The following SULF1 variants were observed in gnomAD, a reference collection of about 807,000 sequenced individuals.
SULF1 encodes extracellular sulfatase Sulf-1.
A neutral mutation model predicts 110.5 loss-of-function variants in SULF1; 46 were observed. The ratio of observed to expected loss-of-function variants is 0.42; its 90% CI spans 0.33 to 0.53. The LOEUF is 0.53. Ranked by LOEUF, SULF1 falls within the 20% of genes least tolerant of loss-of-function variation. SULF1 has a pLI of 0.12. For missense variants in SULF1, 941 were observed against 1,094.2 expected (o/e 0.86, Z 1.98); for synonymous variants, 371 against 387.1 (o/e 0.96, Z 0.49).
intron 14 of SULF1, among the ~76,000 whole-genome samples, chr8:69,621,776 A>G (rs1191098486): frequency 6.6e-6 from 1 of 152,236 alleles, no homozygotes; most frequent in Non-Finnish European, 1.5e-5. Flanking sequence ...GCAGGGACAA[A>G]CTAGTTGCAT....
intron 3 of SULF1, among the ~76,000 whole-genome samples, chr8:69,541,282 C>T (rs901947974): frequency 2.6e-5 from 4 of 152,108 alleles, no homozygotes; most frequent in Non-Finnish European, 5.9e-5. Flanking sequence ...CGGAGGACAC[C>T]CCAACTAGTC....
At chr8:69,529,085 A>C (rs959743544) in intron 3 of SULF1, among the ~76,000 whole-genome samples, 1 of 152,140 alleles carries the variant, frequency 6.6e-6, no homozygotes, top group Non-Finnish European at 1.5e-5. Flanking sequence ...TGATACTCTT[A>C]CTCCAGCTTT....
chr8:69,606,400 A>T (rs1182601595), intron 13 of SULF1, among the ~76,000 whole-genome samples: 1 of 152,236 alleles, frequency 6.6e-6, no homozygotes, highest in Non-Finnish European at 1.5e-5. Flanking sequence ...TATGAATAAA[A>T]CCTCAGAATT....
chr8:69,652,790 G>A (rs1812444264), intron 22 of SULF1, among the ~76,000 whole-genome samples: 1 of 152,154 alleles, frequency 6.6e-6, no homozygotes, highest in Non-Finnish European at 1.5e-5. Context: ...TAACCAATCT[G>A]GCTGCTTCTG....
chr8:69,608,492 C>CG (rs563903552), intron 13 of SULF1, among the ~76,000 whole-genome samples: 267 of 152,158 alleles, frequency 1.8e-3, no homozygotes, highest in African/African-American at 6.3e-3. Flanking sequence ...CCAGCCTGGC[C>CG]GACATAGTCA....
Position 69,582,347 on chromosome 8 carries a change from C to A in SULF1, c.413-4010C>A, listed in dbSNP as rs931208311. On this transcript the variant is annotated intron_variant, in intron 6 of 22. Transcript: ENST00000402687. ...TCTAGTGCGAGATTTCCTTACACTG[C>A]AGGATGGAAAATCATTTACAAAAGA... Among the ~76,000 whole-genome samples, 49 of 152,242 alleles carry A rather than the reference C, an allele frequency of 3.2e-4. 1 individual carries two copies. Among genetic ancestry groups the A allele is most frequent in the Admixed American group, 1.3e-3 (20 of 15,300 alleles).
chr8:69,617,942 A>C (rs1400111954), intron 13 of SULF1, among the ~76,000 whole-genome samples: 1 of 152,120 alleles, frequency 6.6e-6, no homozygotes, highest in Admixed American at 6.5e-5. Flanking sequence ...CATCCCTCTC[A>C]AAGACCCATG....
intron 1 of SULF1, among the ~76,000 whole-genome samples, chr8:69,469,779 C>T (rs754691082): frequency 1.3e-4 from 20 of 152,198 alleles, no homozygotes; most frequent in African/African-American, 4.3e-4. Context: ...CAGTGGCTCA[C>T]GCCTGTAATC....
chr8:69,567,817 C>G (rs551387013), intron 5 of SULF1, among the ~76,000 whole-genome samples: 18 of 152,226 alleles, frequency 1.2e-4, no homozygotes, highest in Middle Eastern at 6.8e-3. Flanking sequence ...AAGAGCTCTT[C>G]GAGACCTTGC....
At chr8:69,508,520 A>G (rs1405799485) in intron 3 of SULF1, among the ~76,000 whole-genome samples, 1 of 152,236 alleles carries the variant, frequency 6.6e-6, no homozygotes, top group Non-Finnish European at 1.5e-5. Flanking sequence ...TTTGTTTATT[A>G]GTAGCCTTTA....
At chr8:69,489,818 A>G (rs1371418965), upstream of SULF1, among the ~76,000 whole-genome samples, 3 of 151,896 alleles carry the variant, frequency 2.0e-5, no homozygotes, top group African/African-American at 4.8e-5. Context: ...CCTTGTGATC[A>G]GGAGCATGAG....
chr8:69,644,030 C>A (rs1051834813), intron 22 of SULF1, among the ~76,000 whole-genome samples: 1 of 152,186 alleles, frequency 6.6e-6, no homozygotes, highest in Non-Finnish European at 1.5e-5. Flanking sequence ...TTCTTGGCAG[C>A]CTTCCTCTGG....
chr8:69,539,550 G>A (rs969727556), intron 3 of SULF1, among the ~76,000 whole-genome samples: 4 of 152,198 alleles, frequency 2.6e-5, no homozygotes, highest in African/African-American at 9.7e-5. Flanking sequence ...AATACCCATA[G>A]AAGAGAACAT....
chr8:69,563,920 C>A lies in SULF1; in HGVS notation c.-56C>A. On this transcript the variant is annotated 5_prime_UTR_variant, in exon 5 of 23. Coordinates refer to ENST00000402687, the MANE Select transcript of SULF1 (RefSeq NM_001128205.2). The stretch of plus-strand genomic sequence containing the variant: ...CGTTTTTCTCTGACTGCCCAGAACT[C>A]CAGAAATCAGGAGACGGAGACATTT... The A allele has an allele frequency of 6.3e-7, 1 of 1,581,250 alleles. No individual in the cohort carries two copies. Among genetic ancestry groups the A allele is most frequent in the Non-Finnish European group, 8.7e-7 (1 of 1,153,908 alleles).
intron 14 of SULF1, among the ~76,000 whole-genome samples, chr8:69,623,155 C>A (rs115149078): frequency 6.7e-6 from 1 of 148,958 alleles, no homozygotes; most frequent in African/African-American, 2.5e-5. Flanking sequence ...CACCCCTTGC[C>A]TTAACCCTCC....
At chr8:69,523,947 C>T (rs990138336) in intron 3 of SULF1, among the ~76,000 whole-genome samples, 7 of 152,178 alleles carry the variant, frequency 4.6e-5, no homozygotes, top group Non-Finnish European at 1.0e-4. Flanking sequence ...CAATTGTGTT[C>T]ATGAGCTCAC....
At chr8:69,638,412 G>C in intron 19 of SULF1, 90 bp from the exon 20 acceptor site, 1 of 1,405,012 alleles carries the variant, frequency 7.1e-7, no homozygotes, top group Non-Finnish European at 9.7e-7. Context: ...GAACTTTAAA[G>C]TGTAAAGATA....
chr8:69,632,166 C>T (rs1181160614), intron 19 of SULF1, among the ~76,000 whole-genome samples: 1 of 152,156 alleles, frequency 6.6e-6, no homozygotes. Context: ...GAGGAACGTG[C>T]CTGCCATCAC....
intron 13 of SULF1, among the ~76,000 whole-genome samples, chr8:69,611,886 T>G (rs1467231192): frequency 6.6e-6 from 1 of 152,168 alleles, no homozygotes; most frequent in Non-Finnish European, 1.5e-5. Context: ...GGGATACAAG[T>G]GGTTTTTGGT....
Sources: allele counts gnomAD v4.1 joint callset (sites outside exome capture counted in the v4.1 genomes callset), GRCh38; gene constraint gnomAD v4.1.1; transcripts MANE v1.5; gene names NCBI Gene and HGNC (gene_info 2026-07-23, HGNC 2026-07-21).